SORCS2: variants seen among roughly 807,000 people sequenced by gnomAD.
SORCS2 encodes sortilin related VPS10 domain containing receptor 2.
A neutral mutation model predicts 141.6 loss-of-function variants in SORCS2; 100 were observed. The ratio of observed to expected loss-of-function variants is 0.71; its 90% CI spans 0.60 to 0.83. The LOEUF is 0.83. SORCS2 is among the 40% of genes least tolerant of loss of function. The pLI is 0.00. For synonymous variants in SORCS2, 789 were observed against 676.9 expected (o/e 1.17, Z -2.57); for missense variants, 1,646 against 1,560.2 (o/e 1.05, Z -0.93).
chr4:7,491,726 G>T (rs1300609294), intron 2 of SORCS2, among the ~76,000 whole-genome samples: 1 of 152,190 alleles, frequency 6.6e-6, no homozygotes, highest in Non-Finnish European at 1.5e-5. Flanking sequence ...GAGCCCCTCT[G>T]CACAGCAGCC....
intron 1 of SORCS2, among the ~76,000 whole-genome samples, chr4:7,288,826 G>C (rs1409741567): frequency 3.3e-5 from 5 of 150,764 alleles, no homozygotes; most frequent in Admixed American, 6.6e-5. Flanking sequence ...AGTTCAGTCT[G>C]TCCTCAGCAT....
In SORCS2 at chr4:7,725,023, G is replaced by A. The variant is rs75422651; in HGVS notation, c.2612-131G>A. Reference sequence around the variant, plus strand: ...AGTGGTGATGGTGGTGGTGGTGGTGGTGGTGATGATAGTGGTAGTGGTGGT... The same window carrying A: ...AGTGGTGATGGTGGTGGTGGTGGTGATGGTGATGATAGTGGTAGTGGTGGT... On this transcript the variant is annotated intron_variant, in intron 19 of 26. Coordinates refer to ENST00000507866, the MANE Select transcript of SORCS2 (RefSeq NM_020777.3). 9.8e-4 allele frequency: 917 copies of A among 933,486 alleles called. 18 individuals carry two copies. In the African/African-American group the frequency reaches 0.014, roughly 14 times the overall value. 57.8% of individuals were successfully genotyped at this position (933,486 alleles called of 1,614,324 possible).
At chr4:7,477,922 C>G (rs1472142913) in intron 2 of SORCS2, among the ~76,000 whole-genome samples, 1 of 152,186 alleles carries the variant, frequency 6.6e-6, no homozygotes, top group Non-Finnish European at 1.5e-5. Flanking sequence ...AACTGATGCA[C>G]AAAGTCATCG....
At chr4:7,603,766 G>A (rs1444543229) in intron 3 of SORCS2, among the ~76,000 whole-genome samples, 1 of 152,010 alleles carries the variant, frequency 6.6e-6, no homozygotes, top group African/African-American at 2.4e-5. Flanking sequence ...AACCTGATCT[G>A]CGGGGATTCT....
In SORCS2 at chr4:7,243,752, TC is replaced by T. The variant is rs201148059; in HGVS notation, c.480+50634del. ...CTGCTTCTCAGTTAGGGCGTGGGGA[TC>T]CCCCCCCACAAACCCAAGTTCGCAG... On this transcript the variant is annotated intron_variant, in intron 1 of 26. Coordinates refer to ENST00000507866, the MANE Select transcript of SORCS2 (RefSeq NM_020777.3). 5.8e-3 allele frequency among the ~76,000 whole-genome samples: 882 copies of T among 151,844 alleles called. 7 individuals are homozygous for T. The highest frequency in any genetic ancestry group is 0.02 in the African/African-American group (836 of 41,404).
At chr4:7,251,049 C>G (rs1713478869) in intron 1 of SORCS2, among the ~76,000 whole-genome samples, 1 of 152,248 alleles carries the variant, frequency 6.6e-6, no homozygotes, top group Non-Finnish European at 1.5e-5. Flanking sequence ...AGACAGAGCT[C>G]TGTGGGTCCC....
At chr4:7,641,601 G>A (rs760039266) in intron 4 of SORCS2, among the ~76,000 whole-genome samples, 3 of 152,348 alleles carry the variant, frequency 2.0e-5, no homozygotes, top group Non-Finnish European at 2.9e-5. Flanking sequence ...ATTGGGGTAA[G>A]CTCTTTGAGG....
intron 2 of SORCS2, among the ~76,000 whole-genome samples, chr4:7,449,725 G>A (rs1728320852): frequency 6.6e-6 from 1 of 152,112 alleles, no homozygotes. Flanking sequence ...CGGCTTCTCA[G>A]AAGACAGAGT....
chr4:7,432,803 C>T (rs1355544059), intron 2 of SORCS2: 1 of 152,692 alleles, frequency 6.5e-6, no homozygotes, highest in Non-Finnish European at 1.5e-5. Flanking sequence ...CAGCCACCCC[C>T]AGGGACTCCA....
chr4:7,224,349 C>T (rs538520652), intron 1 of SORCS2, among the ~76,000 whole-genome samples: 3 of 152,186 alleles, frequency 2.0e-5, no homozygotes, highest in African/African-American at 7.2e-5. Context: ...GGTGGAGTGG[C>T]TTTTTAATAA....
chr4:7,402,411 A>G lies in SORCS2; in HGVS notation c.548+6056A>G, dbSNP rs985027766. ...ATATATGTATGTCTCCCTGCAATCA[A>G]TATGTTCTGCTGCTTAGCTTGTTTT... On this transcript the variant is annotated intron_variant, in intron 2 of 26. Transcript: ENST00000507866. Among the ~76,000 whole-genome samples, 13 of 152,322 alleles carry G rather than the reference A, an allele frequency of 8.5e-5. No homozygotes were observed. The East Asian group carries it at 2.5e-3, about 29-fold the overall frequency.
intron 18 of SORCS2, among the ~76,000 whole-genome samples, chr4:7,718,569 G>T (rs747353299): frequency 1.3e-5 from 2 of 152,102 alleles, no homozygotes; most frequent in Non-Finnish European, 2.9e-5. Flanking sequence ...TAGTTAATTT[G>T]GGATCTTATG....
intron 3 of SORCS2, among the ~76,000 whole-genome samples, chr4:7,559,836 C>T (rs775975778): frequency 8.5e-5 from 13 of 152,254 alleles, no homozygotes; most frequent in Admixed American, 2.0e-4. Context: ...ACTGACCACT[C>T]GCAAATACCC....
At chr4:7,403,961 G>GTATA (rs71635960) in intron 2 of SORCS2, among the ~76,000 whole-genome samples, 41 of 29,860 alleles carry the variant, frequency 1.4e-3, no homozygotes, top group Middle Eastern at 0.021. Context: ...CTCCATGTGT[G>GTATA]TATATATATA....
intron 1 of SORCS2, among the ~76,000 whole-genome samples, chr4:7,336,208 TG>T: frequency 6.6e-6 from 1 of 152,276 alleles, no homozygotes; most frequent in African/African-American, 2.4e-5. Context: ...TTGCTCGTGG[TG>T]GAGATGGCCC....
intron 1 of SORCS2, among the ~76,000 whole-genome samples, chr4:7,299,684 C>G (rs1443823390): frequency 6.6e-6 from 1 of 152,198 alleles, no homozygotes; most frequent in African/African-American, 2.4e-5. Context: ...TATCTGAAAA[C>G]AAGGGAGATG....
intron 1 of SORCS2, among the ~76,000 whole-genome samples, chr4:7,291,911 T>G (rs1185207916): frequency 6.6e-6 from 1 of 152,038 alleles, no homozygotes; most frequent in Non-Finnish European, 1.5e-5. Context: ...ACCGTAAACA[T>G]CCCCACAGTA....
intron 25 of SORCS2, among the ~76,000 whole-genome samples, chr4:7,736,777 C>A (rs1297401714): frequency 2.0e-5 from 3 of 152,166 alleles, no homozygotes; most frequent in African/African-American, 7.2e-5. Flanking sequence ...CCACCACATG[C>A]CCACGCTTCG....
intron 3 of SORCS2, among the ~76,000 whole-genome samples, chr4:7,630,734 A>G (rs1206441167): frequency 6.6e-6 from 1 of 152,236 alleles, no homozygotes; most frequent in East Asian, 1.9e-4. Flanking sequence ...TTCTAATTTC[A>G]GATCCGGGGG....
Sources: allele counts gnomAD v4.1 joint callset (sites outside exome capture counted in the v4.1 genomes callset), GRCh38; gene constraint gnomAD v4.1.1; transcripts MANE v1.5; gene names NCBI Gene and HGNC (gene_info 2026-07-23, HGNC 2026-07-21).